Variants in KIAA1328 observed in about 807,000 individuals in gnomAD.
KIAA1328 encodes the protein protein hinderin.
A neutral mutation model predicts 68.1 loss-of-function variants in KIAA1328; 52 were observed. The ratio of observed to expected loss-of-function variants is 0.76; its 90% CI spans 0.61 to 0.96. KIAA1328 has a LOEUF of 0.96. Among genes scored for constraint, KIAA1328 ranks in the 40% least tolerant of loss-of-function variants. The pLI is 0.00. For synonymous variants in KIAA1328, 232 were observed against 239.4 expected, an observed-to-expected ratio of 0.97 and a Z score of 0.28; for missense variants, 641 against 677.6, an observed-to-expected ratio of 0.95 and a Z score of 0.60.
chr18:37,095,386 TC>T (rs1383810858), intron 7 of KIAA1328, among the ~76,000 whole-genome samples: 1 of 152,182 alleles, frequency 6.6e-6, no homozygotes, highest in Non-Finnish European at 1.5e-5. Context: ...ATATTTTATC[TC>T]ACCACAATGG....
chr18:36,974,172 T>G (rs2052367117), intron 6 of KIAA1328, among the ~76,000 whole-genome samples: 1 of 152,196 alleles, frequency 6.6e-6, no homozygotes, highest in African/African-American at 2.4e-5. Flanking sequence ...TTTTCTTTTT[T>G]GATTTGTATA....
chr18:37,222,551 C>T lies in KIAA1328; in HGVS notation c.*324C>T. ...CCTCATTTCAAGAGTGTTTCCTTCT[C>T]AAACTTCTGCTAGAAAATGCTGACT... On this transcript the variant is annotated 3_prime_UTR_variant, in exon 10 of 10. Transcript: ENST00000280020. The T allele has an allele frequency of 9.1e-7, 1 of 1,101,468 alleles. No homozygotes were observed. The highest frequency in any genetic ancestry group is 2.8e-5 in the South Asian group (1 of 35,628). 68.2% of individuals were successfully genotyped at this position (1,101,468 alleles called of 1,614,324 possible). A position where few individuals can be genotyped will look rare whatever the true frequency, so the allele number is the denominator to read the frequency against.
At chr18:36,918,200 T>C (rs2049782261) in intron 5 of KIAA1328, among the ~76,000 whole-genome samples, 1 of 152,060 alleles carries the variant, frequency 6.6e-6, no homozygotes, top group Non-Finnish European at 1.5e-5. Context: ...GTCTCTGATT[T>C]TTCCCCTTTT....
At chr18:37,158,057 CAG>C (rs2059194551) in intron 7 of KIAA1328, among the ~76,000 whole-genome samples, 1 of 149,736 alleles carries the variant, frequency 6.7e-6, no homozygotes, top group South Asian at 2.1e-4. Flanking sequence ...TTTTTGGAAA[CAG>C]AGTCTCACTG....
chr18:37,164,695 G>A (rs554453498), intron 8 of KIAA1328, among the ~76,000 whole-genome samples: 3 of 152,248 alleles, frequency 2.0e-5, no homozygotes, highest in South Asian at 2.1e-4. Context: ...TCAGTGAGCC[G>A]AGATCACTCC....
rs182920650 is a variant in KIAA1328 at position 36,921,831 on chromosome 18, T to A, written c.448+36159T>A. ...TGAATTTTGTCAAGCTCCCTAGTTA[T>A]GGTTGTGTTTTATTCTAAGAACCCA... On this transcript the variant is annotated intron_variant, in intron 5 of 9. Coordinates refer to ENST00000280020, the MANE Select transcript of KIAA1328 (RefSeq NM_020776.3). Among the ~76,000 whole-genome samples the A allele has an allele frequency of 4.0e-4, 61 of 152,362 alleles. 2 individuals are homozygous for A. Among genetic ancestry groups the A allele is most frequent in the Admixed American group, 3.9e-3 (60 of 15,304 alleles).
intron 4 of KIAA1328, among the ~76,000 whole-genome samples, chr18:36,866,062 C>T (rs1157758964): frequency 6.6e-6 from 1 of 152,160 alleles, no homozygotes; most frequent in Non-Finnish European, 1.5e-5. Context: ...AGCTCTAATA[C>T]CCTGTTTCAA....
chr18:37,127,646 G>A (rs1294096555), intron 7 of KIAA1328, among the ~76,000 whole-genome samples: 1 of 152,148 alleles, frequency 6.6e-6, no homozygotes, highest in Admixed American at 6.6e-5. Flanking sequence ...TCATTAAGAT[G>A]TCAATTCTCT....
intron 4 of KIAA1328, among the ~76,000 whole-genome samples, chr18:36,863,121 T>C (rs904693185): frequency 6.6e-6 from 1 of 152,160 alleles, no homozygotes; most frequent in African/African-American, 2.4e-5. Context: ...TTGCCTTTCA[T>C]CCCCCTTCAC....
At chr18:36,941,011 A>G (rs1045422025) in intron 5 of KIAA1328, among the ~76,000 whole-genome samples, 4 of 152,082 alleles carry the variant, frequency 2.6e-5, no homozygotes, top group African/African-American at 9.7e-5. Context: ...TGACCAATTC[A>G]GATTTTGAAT....
At chr18:36,941,732 C>CT (rs1222360064) in intron 5 of KIAA1328, among the ~76,000 whole-genome samples, 3 of 152,036 alleles carry the variant, frequency 2.0e-5, no homozygotes, top group African/African-American at 7.2e-5. Flanking sequence ...CATAATTACT[C>CT]TTACCCTATT....
At chr18:36,997,169 G>A (rs139041408) in intron 6 of KIAA1328, among the ~76,000 whole-genome samples, 7 of 152,160 alleles carry the variant, frequency 4.6e-5, no homozygotes, top group East Asian at 1.9e-4. Context: ...AAATATTTTC[G>A]TCTTTCTGTA....
intron 9 of KIAA1328, among the ~76,000 whole-genome samples, chr18:37,219,651 C>A (rs913141176): frequency 6.6e-6 from 1 of 152,230 alleles, no homozygotes; most frequent in Non-Finnish European, 1.5e-5. Context: ...GGTTTATAAT[C>A]TTCTGGTGTG....
rs542580507 is a variant in KIAA1328 at position 37,053,874 on chromosome 18, C to T, written c.577-13016C>T. ...TTTGGTTGGGTACACAGAGCCAGAA[C>T]ATGTCAAATAGAATACAGAATTTGC... On this transcript the variant is annotated intron_variant, in intron 6 of 9. Coordinates refer to ENST00000280020, the MANE Select transcript of KIAA1328 (RefSeq NM_020776.3). Among the ~76,000 whole-genome samples the T allele has an allele frequency of 1.5e-4, 22 of 151,360 alleles. 1 individual carries two copies. The South Asian group carries it at 4.2e-3, about 29-fold the overall frequency.
At chr18:37,150,234 G>A (rs562359683) in intron 7 of KIAA1328, among the ~76,000 whole-genome samples, 1 of 152,224 alleles carries the variant, frequency 6.6e-6, no homozygotes, top group South Asian at 2.1e-4. Context: ...AGAACAGGGT[G>A]TCTCAGCCTT....
intron 7 of KIAA1328, among the ~76,000 whole-genome samples, chr18:37,130,527 A>C (rs1266231596): frequency 6.6e-6 from 1 of 152,142 alleles, no homozygotes; most frequent in African/African-American, 2.4e-5. Flanking sequence ...CGGAGGCAGG[A>C]GAATGGCTTG....
chr18:37,077,073 C>T (rs947554040), intron 7 of KIAA1328, among the ~76,000 whole-genome samples: 14 of 151,678 alleles, frequency 9.2e-5, no homozygotes, highest in African/African-American at 3.4e-4. Flanking sequence ...AACATTGCTG[C>T]AAAAATCCTC....
At chr18:36,852,934 GTTTAT>G (rs1354126457) in intron 4 of KIAA1328, among the ~76,000 whole-genome samples, 2 of 152,226 alleles carry the variant, frequency 1.3e-5, no homozygotes, top group South Asian at 2.1e-4. Flanking sequence ...TTCTAGAACT[GTTTAT>G]TTTATCTTCA....
chr18:37,037,973 C>T (rs775360964), intron 6 of KIAA1328, among the ~76,000 whole-genome samples: 7 of 152,014 alleles, frequency 4.6e-5, no homozygotes, highest in Non-Finnish European at 7.4e-5. Flanking sequence ...TGGTGGCACG[C>T]GCCTGTAGTC....
Sources: allele counts gnomAD v4.1 joint callset (sites outside exome capture counted in the v4.1 genomes callset), GRCh38; gene constraint gnomAD v4.1.1; transcripts MANE v1.5; gene names NCBI Gene and HGNC (gene_info 2026-07-23, HGNC 2026-07-21).